Variants in PPCDC observed in about 807,000 individuals in gnomAD.
PPCDC encodes the protein phosphopantothenoylcysteine decarboxylase.
PPCDC carries 20 observed loss-of-function variants against 20.7 expected under a neutral mutation model. The observed-to-expected ratio is 0.97, with a 90% confidence interval of 0.68 to 1.41. The LOEUF (loss-of-function observed/expected upper bound fraction) is 1.41. Among genes scored for constraint, PPCDC ranks in the 40% most tolerant of loss-of-function variants. The pLI is 0.00. For synonymous variants in PPCDC, 88 were observed against 100.3 expected (o/e 0.88, Z 0.73); for missense variants, 246 against 263.8 (o/e 0.93, Z 0.47).
Position 75,044,419 on chromosome 15 carries a change from A to G in PPCDC, c.265A>G (p.Ile89Val), listed in dbSNP as rs148677056. Residue 89 changes from isoleucine to valine, a missense_variant, in exon 4 of 6, where the codon ATT becomes GTT. By Grantham distance (29) the Ile-to-Val change is conservative. Coordinates refer to ENST00000342932, the MANE Select transcript of PPCDC (RefSeq NM_021823.5). ...WKSRSDPVLH[I>V]DLRRWADLLL... ...GAGCCGCTCTGACCCAGTTCTGCAC[A>G]TTGACCTGCGGAGGTGGGCAGACCT... is the stretch of plus-strand genomic sequence containing the variant. 5.5e-5 allele frequency: 89 copies of G among 1,614,056 alleles called. 1 individual carries two copies. In the Admixed American group the frequency reaches 8.0e-4, roughly 15 times the overall value.
Position 75,048,580 on chromosome 15 carries a change from A to C in PPCDC, c.388A>C (p.Ser130Arg). 6.2e-7 allele frequency: 1 copy of C among 1,614,160 alleles called. No individual in the cohort carries two copies. The highest frequency in any genetic ancestry group is 8.5e-7 in the Non-Finnish European group (1 of 1,180,002). Residue 130 changes from serine (S) to arginine (R), a missense_variant, in exon 5 of 6, where the codon AGC becomes CGC. Around this residue, in one of 2 missense-constraint regions of PPCDC, gnomAD observed 225 missense variants for 222.6 expected, o/e 1.01. Coordinates refer to ENST00000342932, the MANE Select transcript of PPCDC (RefSeq NM_021823.5). The part of the protein sequence containing the change: ...LTCVMRAWDR[S>R]KPLLFCPAMN... ...CTGCGTCATGCGGGCCTGGGACCGC[A>C]GCAAGCCCCTGCTCTTCTGCCCGGC...
intron 2 of PPCDC, 86 bp from the exon 3 acceptor site, chr15:75,043,355 C>T: frequency 8.5e-7 from 1 of 1,182,204 alleles, no homozygotes; most frequent in South Asian, 1.4e-5. Flanking sequence ...CACCTGCCTG[C>T]CCTGACCCTC....
intron 4 of PPCDC, chr15:75,044,827 T>G (rs1266572502): frequency 6.3e-6 from 2 of 315,794 alleles, no homozygotes; most frequent in Non-Finnish European, 1.2e-5. Flanking sequence ...CCTCGTGGGC[T>G]GCCTGGGTGT....
In PPCDC at chr15:75,043,417, C is replaced by T. The variant is rs762856630; in HGVS notation, c.136-24C>T. ...GTAACAGTTTCTTCCTCCCTCCCCG[C>T]CACCCCCTTCTTCTTGGTGACAGCT... is the stretch of plus-strand genomic sequence containing the variant. On this transcript the variant is annotated intron_variant, in intron 2 of 5. Coordinates refer to ENST00000342932, the MANE Select transcript of PPCDC (RefSeq NM_021823.5). The T allele has an allele frequency of 4.7e-5, 75 of 1,591,488 alleles. No homozygotes were observed. In the South Asian group the frequency reaches 8.4e-4, roughly 18 times the overall value.
chr15:75,035,163 G>C (rs776545519), intron 2 of PPCDC, among the ~76,000 whole-genome samples: 1 of 152,166 alleles, frequency 6.6e-6, no homozygotes, highest in Non-Finnish European at 1.5e-5. Context: ...AGATGGAAAT[G>C]CTCTTCACGG....
At chr15:75,026,277 G>A (rs1254946187) in intron 1 of PPCDC, among the ~76,000 whole-genome samples, 3 of 152,320 alleles carry the variant, frequency 2.0e-5, no homozygotes, top group East Asian at 3.9e-4. Flanking sequence ...AATAAAGAAT[G>A]TGCCTCCATC....
At chr15:75,041,175 T>C (rs1041745113) in intron 2 of PPCDC, among the ~76,000 whole-genome samples, 2 of 152,226 alleles carry the variant, frequency 1.3e-5, no homozygotes, top group Non-Finnish European at 2.9e-5. Flanking sequence ...GGCCCCGCCC[T>C]GCCCTGCTCT....
chr15:75,044,317 C>G (rs563249203), intron 3 of PPCDC, 69 bp from the exon 4 acceptor site: 1 of 1,587,840 alleles, frequency 6.3e-7, no homozygotes, highest in Non-Finnish European at 8.6e-7. Context: ...CCTGACTTAC[C>G]GTACCTGGCC....
chr15:75,032,431 G>A (rs373089995), intron 2 of PPCDC, among the ~76,000 whole-genome samples: 2 of 152,176 alleles, frequency 1.3e-5, no homozygotes, highest in Admixed American at 1.3e-4. Context: ...AATATTGAGA[G>A]AAATTAAAAC....
At chr15:75,032,728 C>CA (rs1056539563) in intron 2 of PPCDC, among the ~76,000 whole-genome samples, 1 of 125,112 alleles carries the variant, frequency 8.0e-6, no homozygotes, top group Non-Finnish European at 1.7e-5. Flanking sequence ...AACTGGACCC[C>CA]CCCCCCCAAG....
chr15:75,027,483 T>A (rs1466077991), intron 1 of PPCDC, among the ~76,000 whole-genome samples: 3 of 152,154 alleles, frequency 2.0e-5, no homozygotes, highest in African/African-American at 7.2e-5. Flanking sequence ...ATTTGTACGG[T>A]GGTGCCCATC....
intron 2 of PPCDC, among the ~76,000 whole-genome samples, chr15:75,041,935 A>G (rs1325647076): frequency 6.6e-6 from 1 of 152,234 alleles, no homozygotes; most frequent in African/African-American, 2.4e-5. Context: ...TGGAATTGGC[A>G]TGGGCACGTC....
chr15:75,029,349 C>T (rs907257726), intron 2 of PPCDC, among the ~76,000 whole-genome samples: 12 of 152,166 alleles, frequency 7.9e-5, no homozygotes, highest in African/African-American at 2.9e-4. Flanking sequence ...GTGTTACTGG[C>T]CCCTAGTTTT....
At chr15:75,028,664 A>G (rs1022728925) in intron 2 of PPCDC, among the ~76,000 whole-genome samples, 3 of 152,196 alleles carry the variant, frequency 2.0e-5, no homozygotes, top group Non-Finnish European at 2.9e-5. Flanking sequence ...TAGATAGTAC[A>G]GACAGGGCAT....
chr15:75,043,239 A>G (rs2066175880), intron 2 of PPCDC: 1 of 524,664 alleles, frequency 1.9e-6, no homozygotes, highest in Non-Finnish European at 3.4e-6. Flanking sequence ...TGAAACAGCC[A>G]CACCTGATAG....
At chr15:75,036,962 T>G (rs1396132541) in intron 2 of PPCDC, among the ~76,000 whole-genome samples, 3 of 152,104 alleles carry the variant, frequency 2.0e-5, no homozygotes, top group African/African-American at 7.2e-5. Flanking sequence ...TGAGCCACCA[T>G]GCCTGGCGCC....
At chr15:75,035,453 G>A (rs1206560738) in intron 2 of PPCDC, among the ~76,000 whole-genome samples, 1 of 152,084 alleles carries the variant, frequency 6.6e-6, no homozygotes, top group Non-Finnish European at 1.5e-5. Flanking sequence ...GAAACGGGAG[G>A]TATCACTCTA....
chr15:75,049,456 C>G lies in PPCDC; in HGVS notation c.*221C>G. ...GAGGCCGCTGCCTAGAGCCCCTCCC[C>G]ACCTTTTCCTGGATGGGTGAGGCAA... On this transcript the variant is annotated 3_prime_UTR_variant, in exon 6 of 6. Coordinates refer to ENST00000342932, the MANE Select transcript of PPCDC (RefSeq NM_021823.5). 1.8e-6 allele frequency: 1 copy of G among 558,182 alleles called. No homozygotes were observed. The highest frequency in any genetic ancestry group is 3.2e-6 in the Non-Finnish European group (1 of 312,478). 34.6% of individuals were successfully genotyped at this position (558,182 alleles called of 1,614,324 possible).
At chr15:75,042,782 C>T (rs1336428065) in intron 2 of PPCDC, among the ~76,000 whole-genome samples, 5 of 151,996 alleles carry the variant, frequency 3.3e-5, no homozygotes, top group Non-Finnish European at 7.3e-5. Context: ...CCCTGGTTTG[C>T]GTTAGTAATT....
Sources: gnomAD v4.1 joint callset for allele counts (sites outside exome capture counted in the v4.1 genomes callset) on GRCh38, gnomAD v4.1.1 for gene constraint, gnomAD v4.1.1 regional missense constraint, MANE v1.5 for transcripts, NCBI Gene and HGNC (gene_info 2026-07-23, HGNC 2026-07-21) for gene names.